Variants in DLGAP1 observed in about 807,000 individuals in gnomAD.
DLGAP1 encodes DLG associated protein 1.
Under a neutral mutation model 90.8 loss-of-function variants are expected in DLGAP1, and 11 were observed. The observed-to-expected ratio is 0.12, with a 90% CI of 0.08 to 0.20. The LOEUF (loss-of-function observed/expected upper bound fraction) is 0.20, where lower values mean the gene tolerates loss of function less well. Ranked by LOEUF, DLGAP1 falls within the 10% of genes least tolerant of loss-of-function variation. The probability of loss-of-function intolerance (pLI) is 1.00; values close to 1 mark genes in which losing one functional copy is unlikely to be tolerated. For synonymous variants in DLGAP1, 558 were observed against 540.7 expected (o/e 1.03, Z -0.44); for missense variants, 1,050 against 1,333.8 (o/e 0.79, Z 3.31).
intron 2 of DLGAP1, among the ~76,000 whole-genome samples, chr18:4,024,683 A>G (rs960523170): frequency 1.3e-5 from 2 of 152,124 alleles, no homozygotes; most frequent in Non-Finnish European, 2.9e-5. Flanking sequence ...AATGACTACC[A>G]CCTTCTGCAA....
At chr18:3,922,762 T>C (rs542694469) in intron 3 of DLGAP1, among the ~76,000 whole-genome samples, 1 of 152,320 alleles carries the variant, frequency 6.6e-6, no homozygotes, top group Non-Finnish European at 1.5e-5. Context: ...AGTAAATTAC[T>C]ACAAATGGAG....
At chr18:3,971,582 C>T (rs1322461738) in intron 3 of DLGAP1, among the ~76,000 whole-genome samples, 2 of 152,004 alleles carry the variant, frequency 1.3e-5, no homozygotes, top group Non-Finnish European at 1.5e-5. Flanking sequence ...TATGATGCAC[C>T]CCCAAGTGTT....
chr18:3,949,588 A>G (rs1406471643), intron 3 of DLGAP1, among the ~76,000 whole-genome samples: 1 of 152,102 alleles, frequency 6.6e-6, no homozygotes, highest in Non-Finnish European at 1.5e-5. Flanking sequence ...TTATATCCCC[A>G]TTATTTTACT....
chr18:3,570,652 G>C (rs1251693314), intron 8 of DLGAP1, among the ~76,000 whole-genome samples: 1 of 151,944 alleles, frequency 6.6e-6, no homozygotes, highest in Non-Finnish European at 1.5e-5. Flanking sequence ...AATTAGGCTA[G>C]GTGAGGTGGC....
intron 7 of DLGAP1, among the ~76,000 whole-genome samples, chr18:3,682,698 C>G (rs186657355): frequency 1.3e-5 from 2 of 152,116 alleles, no homozygotes; most frequent in Non-Finnish European, 2.9e-5. Flanking sequence ...AAGTTCCTGT[C>G]GGCTGTAGCC....
intron 7 of DLGAP1, among the ~76,000 whole-genome samples, chr18:3,687,492 AT>A (rs1567963776): frequency 6.6e-6 from 1 of 152,194 alleles, no homozygotes; most frequent in African/African-American, 2.4e-5. Flanking sequence ...TATAAACATG[AT>A]GATGATCTTA....
At chr18:4,427,644 C>T (rs888905507) in intron 1 of DLGAP1, among the ~76,000 whole-genome samples, 18 of 152,164 alleles carry the variant, frequency 1.2e-4, no homozygotes, top group African/African-American at 4.3e-4. Flanking sequence ...TCAACAAAGG[C>T]AGTGCCCGGG....
chr18:3,617,898 G>A (rs777859988), intron 7 of DLGAP1, among the ~76,000 whole-genome samples: 9 of 152,106 alleles, frequency 5.9e-5, no homozygotes, highest in East Asian at 3.9e-4. Flanking sequence ...TTAGCTGGGC[G>A]TGGTGGCAGG....
rs986008644 is a variant in DLGAP1 at position 4,186,369 on chromosome 18, G to A, written c.-266-35082C>T. 7.2e-5 allele frequency among the ~76,000 whole-genome samples: 11 copies of A among 152,018 alleles called. 1 individual carries two copies. The East Asian group carries it at 2.1e-3, about 29-fold the overall frequency. On this transcript the variant is annotated intron_variant, in intron 1 of 12. Coordinates refer to ENST00000315677, the MANE Select transcript of DLGAP1 (RefSeq NM_004746.4). ...CTCTGCTAGTTCCTATATCCAGAAT[G>A]GTATTGCTAGGTTGTCTTCCATGGT...
chr18:4,134,744 A>C (rs2076372683), intron 2 of DLGAP1, among the ~76,000 whole-genome samples: 1 of 152,116 alleles, frequency 6.6e-6, no homozygotes, highest in African/African-American at 2.4e-5. Context: ...ATTACCGAAG[A>C]CCCAGGAAGC....
chr18:4,287,114 T>C (rs1173525692), intron 1 of DLGAP1, among the ~76,000 whole-genome samples: 1 of 152,188 alleles, frequency 6.6e-6, no homozygotes, highest in East Asian at 1.9e-4. Flanking sequence ...GCTGGTAGTT[T>C]GGAACCAAGC....
intron 2 of DLGAP1, among the ~76,000 whole-genome samples, chr18:4,036,903 C>G (rs914863582): frequency 6.6e-6 from 1 of 152,174 alleles, no homozygotes; most frequent in Non-Finnish European, 1.5e-5. Context: ...ATATTCTATC[C>G]TTCAAACTCT....
chr18:4,129,111 A>G (rs987287202), intron 2 of DLGAP1, among the ~76,000 whole-genome samples: 2 of 152,156 alleles, frequency 1.3e-5, no homozygotes, highest in African/African-American at 4.8e-5. Context: ...ATTTACACCT[A>G]ATTATTAAAA....
chr18:4,303,633 G>T (rs1279276003), intron 1 of DLGAP1, among the ~76,000 whole-genome samples: 3 of 152,120 alleles, frequency 2.0e-5, no homozygotes, highest in African/African-American at 7.2e-5. Flanking sequence ...AGCAAGGCTG[G>T]GACTCCTCCC....
chr18:4,164,901 A>G (rs1020058593), intron 1 of DLGAP1, among the ~76,000 whole-genome samples: 1 of 152,200 alleles, frequency 6.6e-6, no homozygotes, highest in Non-Finnish European at 1.5e-5. Flanking sequence ...AGATAACAGA[A>G]CACAGAATCG....
At chr18:3,582,386 G>C in intron 7 of DLGAP1, 138 bp from the exon 8 acceptor site, 1 of 1,355,976 alleles carries the variant, frequency 7.4e-7, no homozygotes, top group South Asian at 1.4e-5. Context: ...CCATTGACAG[G>C]CTGAGACCCC....
intron 1 of DLGAP1, among the ~76,000 whole-genome samples, chr18:4,252,226 A>C (rs1598731466): frequency 6.6e-6 from 1 of 152,168 alleles, no homozygotes. Context: ...CTAGGAAGGA[A>C]GGTATTCTAT....
chr18:4,052,474 A>T (rs1280938911), intron 2 of DLGAP1, among the ~76,000 whole-genome samples: 3 of 152,044 alleles, frequency 2.0e-5, no homozygotes, highest in African/African-American at 7.2e-5. Context: ...CCATGGCTGG[A>T]GTGGCTGGGA....
rs538678987 is a variant in DLGAP1 at position 3,643,662 on chromosome 18, C to CAAA, written c.1592-61417_1592-61415dup. On this transcript the variant is annotated intron_variant, in intron 7 of 12. Coordinates refer to ENST00000315677, the MANE Select transcript of DLGAP1 (RefSeq NM_004746.4). ...TGGGTGACAGAGCGAGACTCCATCT[C>CAAA]AAAAAAAAAAAAAAAAAAAAAAATG... 2.2e-3 allele frequency among the ~76,000 whole-genome samples: 146 copies of CAAA among 64,894 alleles called. 2 individuals carry two copies. The highest frequency in any genetic ancestry group is 3.8e-3 in the African/African-American group (67 of 17,764). The allele number at this position is 64,894 out of a possible 152,430, so 42.6% of individuals were successfully genotyped here.
Sources: gnomAD v4.1 joint callset for allele counts (sites outside exome capture counted in the v4.1 genomes callset) on GRCh38, gnomAD v4.1.1 for gene constraint, MANE v1.5 for transcripts, NCBI Gene and HGNC (gene_info 2026-07-23, HGNC 2026-07-21) for gene names.